UQCC1: variants seen among roughly 807,000 people sequenced by gnomAD.
UQCC1 encodes bFGF-repressed Zic-binding protein.
In UQCC1, 38 loss-of-function variants were observed where a neutral mutation model predicts 48.0. The ratio of observed to expected loss-of-function variants is 0.79; its 90% CI spans 0.61 to 1.04. The LOEUF (loss-of-function observed/expected upper bound fraction) is 1.04. Among genes scored for constraint, UQCC1 ranks in the 50% least tolerant of loss-of-function variants. The probability of loss-of-function intolerance (pLI) is 0.00; values close to 1 mark genes in which losing one functional copy is unlikely to be tolerated. For synonymous variants in UQCC1, 111 were observed against 129.2 expected, an observed-to-expected ratio of 0.86 and a Z score of 0.95; for missense variants, 368 against 381.8, an observed-to-expected ratio of 0.96 and a Z score of 0.30.
At chr20:35,345,755 A>T (rs1462574592) in intron 7 of UQCC1, 4 of 151,838 alleles carry the variant, frequency 2.6e-5, no homozygotes, top group African/African-American at 9.7e-5. Context: ...TTTGATTTCT[A>T]TTCTATGAGC....
chr20:35,331,140 G>C (rs908589860), intron 7 of UQCC1, among the ~76,000 whole-genome samples: 1 of 152,098 alleles, frequency 6.6e-6, no homozygotes, highest in African/African-American at 2.4e-5. Flanking sequence ...AAGAGCAGGA[G>C]ACAGAAGCCT....
At chr20:35,358,908 C>T (rs996552447) in intron 6 of UQCC1, among the ~76,000 whole-genome samples, 2 of 152,160 alleles carry the variant, frequency 1.3e-5, no homozygotes, top group African/African-American at 4.8e-5. Context: ...TTAAGCTTCA[C>T]AGTACTATCC....
intron 6 of UQCC1, among the ~76,000 whole-genome samples, chr20:35,362,288 A>T (rs2061614897): frequency 6.6e-6 from 1 of 152,218 alleles, no homozygotes; most frequent in Non-Finnish European, 1.5e-5. Flanking sequence ...CTAAAATAGC[A>T]ACAAATGAGA....
rs1263792412 is a variant in UQCC1, at chr20:35,394,215, A to T, written c.25-19T>A. 1.3e-6 allele frequency: 2 copies of T among 1,597,882 alleles called. No individual in the cohort carries two copies. The highest frequency in any genetic ancestry group is 3.3e-5 in the Admixed American group (2 of 59,966). On this transcript the variant is annotated intron_variant, in intron 1 of 9. Coordinates refer to ENST00000374385, the MANE Select transcript of UQCC1 (RefSeq NM_018244.5). ...GGTTCCTCTAAAGAAAGAAAATAAT[A>T]ATCTGTCAGGAATCTAAATCATACT...
intron 6 of UQCC1, among the ~76,000 whole-genome samples, chr20:35,362,290 C>T (rs947880150): frequency 6.6e-6 from 1 of 152,142 alleles, no homozygotes; most frequent in African/African-American, 2.4e-5. Flanking sequence ...AAAATAGCAA[C>T]AAATGAGACT....
intron 5 of UQCC1, among the ~76,000 whole-genome samples, chr20:35,367,874 C>T (rs1016630919): frequency 2.6e-5 from 4 of 152,156 alleles, no homozygotes; most frequent in Non-Finnish European, 5.9e-5. Context: ...ATCACCCCCC[C>T]AGAAATGACA....
At chr20:35,352,464 T>C (rs1323816941) in intron 6 of UQCC1, among the ~76,000 whole-genome samples, 2 of 152,188 alleles carry the variant, frequency 1.3e-5, no homozygotes, top group Non-Finnish European at 2.9e-5. Context: ...CTTCCCAGCC[T>C]CAATCCTATA....
chr20:35,381,620 C>T (rs1568695783), intron 4 of UQCC1, among the ~76,000 whole-genome samples: 1 of 152,178 alleles, frequency 6.6e-6, no homozygotes, highest in African/African-American at 2.4e-5. Context: ...CTCATATACC[C>T]TTGATCAAAG....
chr20:35,401,785 C>T (rs1445783452), intron 1 of UQCC1, among the ~76,000 whole-genome samples: 1 of 151,700 alleles, frequency 6.6e-6, no homozygotes, highest in Non-Finnish European at 1.5e-5. Flanking sequence ...CCTCAGCCTC[C>T]CGAGCAGCTG....
At chr20:35,346,936 G>C (rs2061437595) in intron 7 of UQCC1, 11 of 1,460,454 alleles carry the variant, frequency 7.5e-6, no homozygotes, top group South Asian at 4.1e-5. Context: ...CTCCATACAG[G>C]ATGACTTCAC....
At position 35,303,913 on chromosome 20, in the gene UQCC1, G is replaced by A. The variant is rs368937391; in HGVS notation, c.*22C>T. 6.2e-7 allele frequency: 1 copy of A among 1,614,124 alleles called. No homozygotes were observed. The highest frequency in any genetic ancestry group is 8.5e-7 in the Non-Finnish European group (1 of 1,179,972). On this transcript the variant is annotated 3_prime_UTR_variant, in exon 10 of 10. Transcript: ENST00000374385. ...GAGGTTCCTCGAAGCCAGCTGGCGG[G>A]CCGTGCGGAGGGCCCAGCCCATCAA...
chr20:35,344,596 G>GTGCAC (rs2061413269), intron 7 of UQCC1: 1 of 152,278 alleles, frequency 6.6e-6, no homozygotes, highest in African/African-American at 2.4e-5. Context: ...TATGTCCACT[G>GTGCAC]TGCACTGCTA....
At chr20:35,337,710 C>A (rs987497465) in intron 7 of UQCC1, among the ~76,000 whole-genome samples, 1 of 152,132 alleles carries the variant, frequency 6.6e-6, no homozygotes, top group African/African-American at 2.4e-5. Context: ...GAGTGGGAGG[C>A]CTTGGAGGCT....
At chr20:35,318,652 TATC>T (rs774069109) in intron 7 of UQCC1, among the ~76,000 whole-genome samples, 11 of 152,182 alleles carry the variant, frequency 7.2e-5, no homozygotes, top group Non-Finnish European at 1.3e-4. Context: ...GCTTTTCAGA[TATC>T]ATCACCCAGG....
chr20:35,394,239 C>A, intron 1 of UQCC1, 43 bp from the exon 2 acceptor site: 1 of 1,528,404 alleles, frequency 6.5e-7, no homozygotes, highest in Middle Eastern at 1.7e-4. Flanking sequence ...CTAAATCATA[C>A]TCCCTACATG....
At chr20:35,336,608 C>T (rs571623777) in intron 7 of UQCC1, among the ~76,000 whole-genome samples, 1 of 152,214 alleles carries the variant, frequency 6.6e-6, no homozygotes, top group Non-Finnish European at 1.5e-5. Flanking sequence ...AGAAGAAGCA[C>T]AGCCCTGCCG....
chr20:35,385,931 T>C (rs893504007), intron 2 of UQCC1, among the ~76,000 whole-genome samples: 3 of 150,582 alleles, frequency 2.0e-5, no homozygotes, highest in Admixed American at 6.6e-5. Context: ...TTCCCCCACA[T>C]GCACAGCCTC....
chr20:35,316,034 G>A (rs995823455), intron 7 of UQCC1, among the ~76,000 whole-genome samples: 2 of 152,186 alleles, frequency 1.3e-5, no homozygotes, highest in African/African-American at 2.4e-5. Context: ...GCCTTCAATA[G>A]GGTACAACTC....
chr20:35,392,009 C>T lies in UQCC1; in HGVS notation c.129+2083G>A, dbSNP rs115300465. 6.8e-3 allele frequency among the ~76,000 whole-genome samples: 1,042 copies of T among 152,278 alleles called. 16 individuals carry two copies. The highest frequency in any genetic ancestry group is 0.024 in the African/African-American group (996 of 41,572). ...CTCTTTGAAAACAATAATAGGATTA[C>T]AGCACTGGACATTACCTTACAGATA... On this transcript the variant is annotated intron_variant, in intron 2 of 9. Coordinates refer to ENST00000374385, the MANE Select transcript of UQCC1 (RefSeq NM_018244.5).
Sources: allele counts gnomAD v4.1 joint callset (sites outside exome capture counted in the v4.1 genomes callset), GRCh38; gene constraint gnomAD v4.1.1; transcripts MANE v1.5; gene names NCBI Gene and HGNC (gene_info 2026-07-23, HGNC 2026-07-21).